The following CD38 variants were observed in gnomAD, a reference collection of about 807,000 sequenced individuals.
The protein encoded by CD38 is ADP-ribosyl cyclase/cyclic ADP-ribose hydrolase 1.
CD38 carries 31 observed loss-of-function variants against 36.3 expected under a neutral mutation model. The observed-to-expected ratio is 0.85, with a 90% confidence interval of 0.64 to 1.15. The LOEUF is 1.15. Ranked by LOEUF, CD38 falls within the 50% of genes most tolerant of loss-of-function variation. The pLI is 0.00. For missense variants in CD38, 380 were observed against 371.9 expected (o/e 1.02, Z -0.18); for synonymous variants, 131 against 135.2 (o/e 0.97, Z 0.22).
rs190156186 is a variant in CD38 at position 15,800,912 on chromosome 4, C to T, written c.234-15599C>T. Among the ~76,000 whole-genome samples the T allele has an allele frequency of 3.3e-5, 5 of 151,852 alleles. No individual in the cohort carries two copies. In the East Asian group the frequency reaches 9.6e-4, roughly 29 times the overall value. On this transcript the variant is annotated intron_variant, in intron 1 of 7. Coordinates refer to ENST00000226279, the MANE Select transcript of CD38 (RefSeq NM_001775.4). ...AAAAGCAAAACAACAACAACAAAAC[C>T]CCCAAACTCCAAATTAGTAGAAGGA...
intron 5 of CD38, among the ~76,000 whole-genome samples, chr4:15,838,821 T>G (rs4698123): frequency 0.14 from 21,240 of 152,114 alleles, 1,689 homozygotes; most frequent in South Asian, 0.22. Flanking sequence ...ATGGGAAGAT[T>G]AACTGAGACA....
chr4:15,818,075 A>G (rs1723641445), intron 2 of CD38, among the ~76,000 whole-genome samples: 1 of 149,658 alleles, frequency 6.7e-6, no homozygotes, highest in Admixed American at 6.7e-5. Flanking sequence ...TCTCACTCCC[A>G]CGGAGACCAG....
At chr4:15,796,694 C>CT (rs1356385047) in intron 1 of CD38, among the ~76,000 whole-genome samples, 1 of 152,032 alleles carries the variant, frequency 6.6e-6, no homozygotes, top group Non-Finnish European at 1.5e-5. Context: ...TCTCTTGTAT[C>CT]TTTTTAGAAA....
intron 4 of CD38, among the ~76,000 whole-genome samples, chr4:15,837,053 T>C (rs1180101398): frequency 6.6e-6 from 1 of 152,232 alleles, no homozygotes; most frequent in East Asian, 1.9e-4. Flanking sequence ...ATAGTTTTTG[T>C]TTGTTTGCTT....
At chr4:15,807,950 C>G (rs1211822724) in intron 1 of CD38, among the ~76,000 whole-genome samples, 1 of 152,188 alleles carries the variant, frequency 6.6e-6, no homozygotes, top group East Asian at 1.9e-4. Flanking sequence ...GTGTGAGGAA[C>G]CCCACGAAAC....
intron 3 of CD38, among the ~76,000 whole-genome samples, chr4:15,831,378 T>C (rs1723955205): frequency 6.6e-6 from 1 of 152,170 alleles, no homozygotes. Context: ...CAGTGAGTTT[T>C]GTACCTTCAG....
rs963168324 is a variant in CD38, at chr4:15,799,027, T to C, written c.234-17484T>C. Among the ~76,000 whole-genome samples, 84 of 152,216 alleles carry C rather than the reference T, an allele frequency of 5.5e-4. 7 individuals carry two copies. Among genetic ancestry groups the C allele is most frequent in the Non-Finnish European group, 1.5e-5 (1 of 68,032 alleles). On this transcript the variant is annotated intron_variant, in intron 1 of 7. Coordinates refer to ENST00000226279, the MANE Select transcript of CD38 (RefSeq NM_001775.4). ...CCCTTATTTACTAAAGATTTAAATA[T>C]GATCAAATTTATGTTTTCTTTTAGG... is the stretch of plus-strand genomic sequence containing the variant.
intron 4 of CD38, among the ~76,000 whole-genome samples, chr4:15,836,058 A>G (rs747030760): frequency 6.6e-5 from 10 of 152,330 alleles, no homozygotes; most frequent in Admixed American, 2.6e-4. Context: ...TTAAACTTAG[A>G]CATCTGAGGA....
In CD38 at chr4:15,791,477, G is replaced by T. The variant is rs1275076577; in HGVS notation, c.233+12830G>T. Among the ~76,000 whole-genome samples, 14 of 35,894 alleles carry T rather than the reference G, an allele frequency of 3.9e-4. 1 individual carries two copies. Among genetic ancestry groups the T allele is most frequent in the Non-Finnish European group, 6.8e-4 (14 of 20,636 alleles). 23.5% of individuals were successfully genotyped at this position (35,894 alleles called of 152,430 possible). A position where few individuals can be genotyped will look rare whatever the true frequency, so the allele number is the denominator to read the frequency against. Reference sequence around the variant, plus strand: ...CAGCCGCCCCGTCCGGGAGGGAGGTGGGGGGGGGTCAGCCCCCCGCCCGGC... The same window carrying T: ...CAGCCGCCCCGTCCGGGAGGGAGGTTGGGGGGGGTCAGCCCCCCGCCCGGC... On this transcript the variant is annotated intron_variant, in intron 1 of 7. Coordinates refer to ENST00000226279, the MANE Select transcript of CD38 (RefSeq NM_001775.4).
intron 3 of CD38, among the ~76,000 whole-genome samples, chr4:15,830,450 T>C (rs1723937319): frequency 6.6e-6 from 1 of 152,234 alleles, no homozygotes; most frequent in African/African-American, 2.4e-5. Flanking sequence ...TAGATTTCTT[T>C]CCTATAGAGT....
chr4:15,851,989 T>C lies in CD38; in HGVS notation c.*3387T>C, dbSNP rs1240196747. 6.6e-6 allele frequency: 1 copy of C among 152,230 alleles called. No individual in the cohort carries two copies. Among genetic ancestry groups the C allele is most frequent in the African/African-American group, 2.4e-5 (1 of 41,438 alleles). 9.4% of individuals were successfully genotyped at this position (152,230 alleles called of 1,614,324 possible). A position where few individuals can be genotyped will look rare whatever the true frequency, so the allele number is the denominator to read the frequency against. ...AAACATAGAAAAGGTACAGTAAACA[T>C]GCAGTATTATAATCTTATGAGACCG... On this transcript the variant is annotated 3_prime_UTR_variant, in exon 8 of 8. Transcript: ENST00000226279.
chr4:15,827,268 T>C (rs1009538514), intron 3 of CD38, among the ~76,000 whole-genome samples: 5 of 152,216 alleles, frequency 3.3e-5, no homozygotes, highest in African/African-American at 4.8e-5. Context: ...CTGGCTCAAG[T>C]TGGCGAATAT....
intron 2 of CD38, chr4:15,816,893 A>C (rs537719754): frequency 2.3e-6 from 1 of 434,828 alleles, no homozygotes; most frequent in African/African-American, 2.0e-5. Context: ...GCCAAAAACT[A>C]GGCAGAAAAA....
intron 1 of CD38, among the ~76,000 whole-genome samples, chr4:15,791,184 G>GC (rs1409887391): frequency 1.0e-5 from 1 of 99,000 alleles, no homozygotes; most frequent in Non-Finnish European, 1.9e-5. Context: ...GGGGGGGTCA[G>GC]CCCCCCGCCC....
Position 15,840,515 on chromosome 4 carries a change from A to G in CD38, c.816A>G (p.Gln272=), listed in dbSNP as rs1478379857. The part of the protein sequence containing the change: ...LESIISKRNI[Q]FSCKNIYRPD... ...CGATTATAAGCAAAAGGAATATTCAATTTTCCTGCAAGAATATCTACAGGT... is the reference window on the plus strand; with the variant it reads ...CGATTATAAGCAAAAGGAATATTCAGTTTTCCTGCAAGAATATCTACAGGT... Residue 272 remains glutamine, a synonymous_variant, in exon 7 of 8, where the codon CAA becomes CAG. Transcript: ENST00000226279. 3.8e-6 allele frequency: 6 copies of G among 1,594,478 alleles called. No individual in the cohort carries two copies. Among genetic ancestry groups the G allele is most frequent in the Non-Finnish European group, 5.2e-6 (6 of 1,162,858 alleles).
chr4:15,837,706 C>A (rs534715182), intron 4 of CD38, among the ~76,000 whole-genome samples: 1 of 152,186 alleles, frequency 6.6e-6, no homozygotes, highest in African/African-American at 2.4e-5. Flanking sequence ...TTTCCCTCAT[C>A]CCTGAATCAT....
chr4:15,802,412 T>G (rs903330706), intron 1 of CD38, among the ~76,000 whole-genome samples: 2 of 152,078 alleles, frequency 1.3e-5, no homozygotes, highest in African/African-American at 4.8e-5. Context: ...TTCAATGGCA[T>G]TTTTCACAGA....
rs561829761 is a variant in CD38 at position 15,778,488 on chromosome 4, G to A, written c.74G>A (p.Cys25Tyr). Residue 25 changes from cysteine to tyrosine, a missense_variant, in exon 1 of 8, where the codon TGT (cysteine) becomes TAT (tyrosine). Physicochemically the swap from Cys to Tyr is radical, Grantham distance 194 (BLOSUM62 -2). Coordinates refer to ENST00000226279, the MANE Select transcript of CD38 (RefSeq NM_001775.4). The surrounding 1 kb of genome is among the most constrained non-coding windows in gnomAD (Gnocchi z 4.9). The part of the protein sequence containing the change: ...CCRLSRRAQL[C>Y]LGVSILVLIL... Reference sequence around the variant, plus strand: ...CGGCTCTCTAGGAGAGCCCAACTCTGTCTTGGCGTCAGTATCCTGGTCCTG... The same window carrying A: ...CGGCTCTCTAGGAGAGCCCAACTCTATCTTGGCGTCAGTATCCTGGTCCTG... 5 of 1,613,938 alleles carry A rather than the reference G, an allele frequency of 3.1e-6. No homozygotes were observed. Among genetic ancestry groups the A allele is most frequent in the East Asian group, 2.2e-5 (1 of 44,844 alleles).
At chr4:15,831,998 C>G (rs959690465) in intron 3 of CD38, among the ~76,000 whole-genome samples, 1 of 152,000 alleles carries the variant, frequency 6.6e-6, no homozygotes, top group Non-Finnish European at 1.5e-5. Flanking sequence ...TCTTTTGTCT[C>G]CTCTGACTGT....
Sources: gnomAD v4.1 joint callset for allele counts (sites outside exome capture counted in the v4.1 genomes callset) on GRCh38, gnomAD v4.1.1 for gene constraint, Gnocchi (gnomAD v3.1) non-coding constraint, MANE v1.5 for transcripts, NCBI Gene and HGNC (gene_info 2026-07-23, HGNC 2026-07-21) for gene names.